CMSS1: variants seen among roughly 807,000 people sequenced by gnomAD.
The protein encoded by CMSS1 is cms1 ribosomal small subunit homolog.
In CMSS1, 33 loss-of-function variants were observed where a neutral mutation model predicts 43.5. That is an observed-to-expected ratio of 0.76 (90% CI 0.57 to 1.01). CMSS1 has a LOEUF of 1.01. CMSS1 is among the 50% of genes least tolerant of loss of function. The pLI is 0.00. For synonymous variants in CMSS1, 115 were observed against 117.2 expected (o/e 0.98, Z 0.12); for missense variants, 313 against 326.4 (o/e 0.96, Z 0.32).
Position 100,060,568 on chromosome 3 carries a change from A to G in CMSS1, c.65-86405A>G, listed in dbSNP as rs1207494870. ...GTAAAAACCACCACTTAAGAAACAA[A>G]TAGGGGCTCGGCGCAGTGGCTCACA... On this transcript the variant is annotated intron_variant, in intron 1 of 9. Coordinates refer to ENST00000421999, the MANE Select transcript of CMSS1 (RefSeq NM_032359.4). Among the ~76,000 whole-genome samples, 3 of 152,034 alleles carry G rather than the reference A, an allele frequency of 2.0e-5. No individual in the cohort carries two copies. In the South Asian group the frequency reaches 6.2e-4, roughly 32 times the overall value.
At chr3:100,167,690 C>A in intron 5 of CMSS1, 48 bp from the exon 6 acceptor site, 1 of 1,211,452 alleles carries the variant, frequency 8.3e-7, no homozygotes, top group Admixed American at 1.9e-5. Flanking sequence ...GGGAGGTGTG[C>A]CCTGTTTTGC....
intron 1 of CMSS1, chr3:99,849,762 C>T: frequency 6.2e-7 from 1 of 1,613,680 alleles, no homozygotes; most frequent in Non-Finnish European, 8.5e-7. Context: ...TGTCCTTTAG[C>T]TTCAGTTTCA....
chr3:99,859,558 CTTTA>C (rs906939705), intron 1 of CMSS1, among the ~76,000 whole-genome samples: 2 of 152,154 alleles, frequency 1.3e-5, no homozygotes, highest in African/African-American at 2.4e-5. Flanking sequence ...CATCACACTC[CTTTA>C]TTTATTTTTA....
chr3:100,113,700 A>G (rs541246852), intron 1 of CMSS1, among the ~76,000 whole-genome samples: 113 of 152,226 alleles, frequency 7.4e-4, no homozygotes, highest in Non-Finnish European at 1.3e-3. Context: ...TACAAAATCA[A>G]GCTATTAAGA....
At chr3:99,997,738 T>C (rs1011297270) in intron 1 of CMSS1, among the ~76,000 whole-genome samples, 1 of 152,164 alleles carries the variant, frequency 6.6e-6, no homozygotes, top group African/African-American at 2.4e-5. Context: ...CACAGAGCTA[T>C]GAAAATAAAG....
intron 1 of CMSS1, among the ~76,000 whole-genome samples, chr3:99,958,498 AT>A (rs1190215481): frequency 6.6e-6 from 1 of 152,122 alleles, no homozygotes; most frequent in Non-Finnish European, 1.5e-5. Context: ...GAAAGGAGAC[AT>A]TTGAGAGCCA....
chr3:100,052,105 G>C (rs1281870877), intron 1 of CMSS1, among the ~76,000 whole-genome samples: 1 of 151,994 alleles, frequency 6.6e-6, no homozygotes, highest in Non-Finnish European at 1.5e-5. Context: ...CTACTAATGG[G>C]CATAATTTGT....
At chr3:100,061,058 TTCTC>T in intron 1 of CMSS1, among the ~76,000 whole-genome samples, 1 of 152,210 alleles carries the variant, frequency 6.6e-6, no homozygotes, top group South Asian at 2.1e-4. Context: ...TAGCAGGGCT[TTCTC>T]TCTTAAGTGG....
chr3:99,908,204 C>T (rs2128144), intron 1 of CMSS1, among the ~76,000 whole-genome samples: 3 of 152,174 alleles, frequency 2.0e-5, no homozygotes, highest in East Asian at 1.9e-4. Context: ...AAATTGCTGA[C>T]ATAGTATGTC....
intron 1 of CMSS1, among the ~76,000 whole-genome samples, chr3:99,899,340 T>C (rs368989976): frequency 3.3e-5 from 5 of 152,314 alleles, no homozygotes; most frequent in South Asian, 4.1e-4. Context: ...TCATTTCTTA[T>C]TATGATGCAT....
rs561956358 is a variant in CMSS1, at chr3:100,053,632, T to G, written c.65-93341T>G. 2.6e-5 allele frequency among the ~76,000 whole-genome samples: 4 copies of G among 152,152 alleles called. No individual in the cohort carries two copies. In the South Asian group the frequency reaches 8.3e-4, roughly 32 times the overall value. ...TGCTAGGTGCATAAATTTGGGGGAG[T>G]GGGGAGAATGGGTATTCAACCTGGT... On this transcript the variant is annotated intron_variant, in intron 1 of 9. Transcript: ENST00000421999.
intron 1 of CMSS1, among the ~76,000 whole-genome samples, chr3:100,074,442 A>G (rs1369967389): frequency 6.6e-6 from 1 of 151,802 alleles, no homozygotes; most frequent in Non-Finnish European, 1.5e-5. Context: ...CTAAAATGTA[A>G]CTTGAATACC....
Position 100,066,517 on chromosome 3 carries a change from C to CTTTTT in CMSS1, c.65-80428_65-80424dup, listed in dbSNP as rs545356638. ...AAGGATGATGTGGAAGGCTTTGCTT[C>CTTTTT]TTTTTTTTTTTTTTTTTTTTTTTTT... On this transcript the variant is annotated intron_variant, in intron 1 of 9. Transcript: ENST00000421999. Among the ~76,000 whole-genome samples the CTTTTT allele has an allele frequency of 1.0e-3, 39 of 38,326 alleles. 3 individuals carry two copies. Among genetic ancestry groups the CTTTTT allele is most frequent in the African/African-American group, 2.6e-3 (23 of 8,824 alleles). The allele number at this position is 38,326 out of a possible 152,430, so 25.1% of individuals were successfully genotyped here.
intron 1 of CMSS1, among the ~76,000 whole-genome samples, chr3:100,095,246 C>A (rs561089685): frequency 2.0e-5 from 3 of 152,186 alleles, no homozygotes; most frequent in African/African-American, 7.2e-5. Context: ...AATTTTAGAT[C>A]ATCTTGCCTA....
At chr3:99,831,719 A>G (rs1301944955) in intron 1 of CMSS1, among the ~76,000 whole-genome samples, 1 of 152,222 alleles carries the variant, frequency 6.6e-6, no homozygotes, top group Non-Finnish European at 1.5e-5. Context: ...GATCGTCTTT[A>G]AATTGTAGAT....
chr3:100,109,397 T>C (rs1334494322), intron 1 of CMSS1, among the ~76,000 whole-genome samples: 2 of 152,176 alleles, frequency 1.3e-5, no homozygotes, highest in Admixed American at 6.6e-5. Flanking sequence ...GACAAGCTCA[T>C]GCAATCATGT....
intron 1 of CMSS1, among the ~76,000 whole-genome samples, chr3:99,980,776 G>A (rs1709097079): frequency 6.6e-6 from 1 of 152,132 alleles, no homozygotes; most frequent in African/African-American, 2.4e-5. Flanking sequence ...AGTTACAGGT[G>A]TGACTTGTTT....
intron 1 of CMSS1, among the ~76,000 whole-genome samples, chr3:99,889,520 C>T (rs963135131): frequency 6.6e-6 from 1 of 151,918 alleles, no homozygotes. Context: ...GTTAAAATTG[C>T]TTTAATCCAG....
chr3:100,084,133 A>G lies in CMSS1; in HGVS notation c.65-62840A>G, dbSNP rs367995228. ...AGCCTCGGGCCATGAGACCCATGTC[A>G]TTTGCTGCATGTCTAGACTTCTAGA... On this transcript the variant is annotated intron_variant, in intron 1 of 9. Transcript: ENST00000421999. Among the ~76,000 whole-genome samples the G allele has an allele frequency of 4.6e-5, 7 of 152,274 alleles. No individual in the cohort carries two copies. The East Asian group carries it at 7.7e-4, about 17-fold the overall frequency.
Sources: allele counts gnomAD v4.1 joint callset (sites outside exome capture counted in the v4.1 genomes callset), GRCh38; gene constraint gnomAD v4.1.1; transcripts MANE v1.5; gene names NCBI Gene and HGNC (gene_info 2026-07-23, HGNC 2026-07-21).